Variants in ILDR2 observed in about 807,000 individuals in gnomAD.
ILDR2 encodes immunoglobulin like domain containing receptor 2.
ILDR2 carries 25 observed loss-of-function variants against 66.8 expected under a neutral mutation model. The observed-to-expected ratio is 0.37, with a 90% CI of 0.27 to 0.52. The LOEUF (loss-of-function observed/expected upper bound fraction) is 0.52. Ranked by LOEUF, ILDR2 falls within the 20% of genes least tolerant of loss-of-function variation. The probability of loss-of-function intolerance (pLI) is 0.88; values close to 1 mark genes in which losing one functional copy is unlikely to be tolerated. For missense variants in ILDR2, 827 were observed against 876.8 expected, an observed-to-expected ratio of 0.94 and a Z score of 0.72; for synonymous variants, 367 against 357.2, an observed-to-expected ratio of 1.03 and a Z score of -0.31.
At chr1:166,957,209 G>A (rs1662330473) in intron 2 of ILDR2, among the ~76,000 whole-genome samples, 1 of 152,176 alleles carries the variant, frequency 6.6e-6, no homozygotes, top group African/African-American at 2.4e-5. Flanking sequence ...AAAATCACAG[G>A]AGTTCTTCAA....
rs1261816414 is a variant in ILDR2, at chr1:166,921,725, G to A, written c.1212-346C>T. Among the ~76,000 whole-genome samples, 1 of 152,224 alleles carries A rather than the reference G, an allele frequency of 6.6e-6. No homozygotes were observed. Among genetic ancestry groups the A allele is most frequent in the Non-Finnish European group, 1.5e-5 (1 of 68,042 alleles). On this transcript the variant is annotated intron_variant, in intron 8 of 9. Transcript: ENST00000271417. The surrounding 1 kb of genome is among the most constrained non-coding windows in gnomAD (Gnocchi z 5.3). ...ACACGTCTCCACCCTCAAAGCCAGC[G>A]CAGGTGTCAGTACACACAGTTATGG...
At chr1:166,961,053 C>T (rs1662582682) in intron 1 of ILDR2, among the ~76,000 whole-genome samples, 1 of 152,200 alleles carries the variant, frequency 6.6e-6, no homozygotes, top group Non-Finnish European at 1.5e-5. Context: ...TTCTGCTCCA[C>T]TGCTATTCTG....
Position 166,910,941 on chromosome 1 carries a change from T to C in ILDR2, c.*8414A>G, listed in dbSNP as rs1659459610. 6.6e-6 allele frequency: 1 copy of C among 152,216 alleles called. No homozygotes were observed. Among genetic ancestry groups the C allele is most frequent in the African/African-American group, 2.4e-5 (1 of 41,452 alleles). The allele number at this position is 152,216 out of a possible 1,614,324, so 9.4% of individuals were successfully genotyped here. A position where few individuals can be genotyped will look rare whatever the true frequency, so the allele number is the denominator to read the frequency against. ...CTTGTCTTTTTAAATTTTTACCTTT[T>C]TGTGGAGGATGGGATCTCACTATAC... On this transcript the variant is annotated 3_prime_UTR_variant, in exon 10 of 10. Transcript: ENST00000271417.
chr1:166,970,349 G>T (rs1413519038), intron 1 of ILDR2, among the ~76,000 whole-genome samples: 4 of 151,920 alleles, frequency 2.6e-5, no homozygotes, highest in Non-Finnish European at 4.4e-5. Context: ...TAAATAACTG[G>T]GTCTCCCTTG....
intron 3 of ILDR2, among the ~76,000 whole-genome samples, chr1:166,952,274 T>A (rs1013781468): frequency 1.3e-5 from 2 of 152,184 alleles, no homozygotes; most frequent in Non-Finnish European, 2.9e-5. Flanking sequence ...TAATCTTGGA[T>A]GGCAGATTTC....
chr1:166,950,889 G>C (rs1234582231), intron 3 of ILDR2, among the ~76,000 whole-genome samples: 1 of 152,094 alleles, frequency 6.6e-6, no homozygotes, highest in Non-Finnish European at 1.5e-5. Flanking sequence ...TACATTCATG[G>C]GGAAGAATCA....
In ILDR2 at chr1:166,920,840, T is replaced by C. The variant is rs1659879165; in HGVS notation, c.1751A>G (p.Glu584Gly). 11 of 1,514,204 alleles carry C rather than the reference T, an allele frequency of 7.3e-6. No homozygotes were observed. Among genetic ancestry groups the C allele is most frequent in the Non-Finnish European group, 9.7e-6 (11 of 1,135,122 alleles). The allele number at this position is 1,514,204 out of a possible 1,614,324, so 93.8% of individuals were successfully genotyped here. A position where few individuals can be genotyped will look rare whatever the true frequency, so the allele number is the denominator to read the frequency against. Residue 584 changes from glutamate to glycine, a missense_variant, in exon 9 of 10, where the codon GAG becomes GGG. By Grantham distance (98) the Glu-to-Gly change is moderately conservative. Transcript: ENST00000271417. ...YKAGSSQDDQ[E>G]DASDDALPPY... ...CGGCAGCGCGTCGTCGGACGCGTCCTCCTGGTCGTCCTGCGACGAGCCGGC... is the reference window on the plus strand; with the variant it reads ...CGGCAGCGCGTCGTCGGACGCGTCCCCCTGGTCGTCCTGCGACGAGCCGGC...
At chr1:166,967,163 C>T (rs75598697) in intron 1 of ILDR2, among the ~76,000 whole-genome samples, 3,071 of 152,276 alleles carry the variant, frequency 0.02, 50 homozygotes, top group Non-Finnish European at 0.027. Flanking sequence ...ATGTGTGTAA[C>T]GTCTGGGCCA....
chr1:166,917,358 T>C lies in ILDR2; in HGVS notation c.*1997A>G, dbSNP rs1189813864. Reference sequence around the variant, plus strand: ...GCAAACATAGGACTTTTTTTGGAAATGTCATGAAGTACAAATGGATACTAG... The same window carrying C: ...GCAAACATAGGACTTTTTTTGGAAACGTCATGAAGTACAAATGGATACTAG... On this transcript the variant is annotated 3_prime_UTR_variant, in exon 10 of 10. Transcript: ENST00000271417. 6.6e-6 allele frequency: 1 copy of C among 152,174 alleles called. No individual in the cohort carries two copies. The highest frequency in any genetic ancestry group is 1.9e-4 in the East Asian group (1 of 5,200). 9.4% of individuals were successfully genotyped at this position (152,174 alleles called of 1,614,324 possible). A position where few individuals can be genotyped will look rare whatever the true frequency, so the allele number is the denominator to read the frequency against.
chr1:166,943,809 A>G, intron 3 of ILDR2: 1 of 985,062 alleles, frequency 1.0e-6, no homozygotes, highest in Non-Finnish European at 1.2e-6. Flanking sequence ...TCCAGGATTC[A>G]GTTTAAGAGT....
chr1:166,933,184 C>T (rs754763878), intron 6 of ILDR2, among the ~76,000 whole-genome samples: 1 of 152,228 alleles, frequency 6.6e-6, no homozygotes, highest in Non-Finnish European at 1.5e-5. Flanking sequence ...AGAGGTGCAT[C>T]TTGAGTAGTT....
At chr1:166,974,143 G>A (rs959234572) in intron 1 of ILDR2, among the ~76,000 whole-genome samples, 6 of 152,082 alleles carry the variant, frequency 3.9e-5, no homozygotes, top group Non-Finnish European at 5.9e-5. Context: ...TTCTCATGTG[G>A]TACTATTGTC....
chr1:166,935,437 G>A lies in ILDR2; in HGVS notation c.744C>T (p.Pro248=), dbSNP rs754974793. The change falls in exon 6 of 10, where the codon CCC becomes CCT. Residue 248 remains proline, a synonymous_variant. Coordinates refer to ENST00000271417, the MANE Select transcript of ILDR2 (RefSeq NM_199351.3). ...AGKAAKAGYP[P]SVSGVPGPYS... The stretch of plus-strand genomic sequence containing the variant: ...AAGGGCCGGGGACACCGGAGACAGA[G>A]GGAGGGTACCCGGCCTTTGCTGCTT... The A allele has an allele frequency of 1.9e-6, 3 of 1,611,748 alleles. No homozygotes were observed. The highest frequency in any genetic ancestry group is 1.7e-5 in the Admixed American group (1 of 59,738).
chr1:166,917,390 G>A lies in ILDR2; in HGVS notation c.*1965C>T, dbSNP rs1659685602. 1 of 152,206 alleles carries A rather than the reference G, an allele frequency of 6.6e-6. No individual in the cohort carries two copies. Among genetic ancestry groups the A allele is most frequent in the Non-Finnish European group, 1.5e-5 (1 of 68,046 alleles). 9.4% of individuals were successfully genotyped at this position (152,206 alleles called of 1,614,324 possible). A position where few individuals can be genotyped will look rare whatever the true frequency, so the allele number is the denominator to read the frequency against. ...AAGTACAAATGGATACTAGAGGAAT[G>A]GTACTTTGAGAATAGGGTCTAGCCC... On this transcript the variant is annotated 3_prime_UTR_variant, in exon 10 of 10. Coordinates refer to ENST00000271417, the MANE Select transcript of ILDR2 (RefSeq NM_199351.3).
rs369183145 is a variant in ILDR2 at position 166,958,112 on chromosome 1, G to A, written c.47-11C>T. The A allele has an allele frequency of 1.8e-4, 291 of 1,599,798 alleles. No individual in the cohort carries two copies. The highest frequency in any genetic ancestry group is 2.4e-4 in the Non-Finnish European group (286 of 1,169,120). On this transcript the variant is annotated splice_polypyrimidine_tract_variant and intron_variant, in intron 1 of 9. Transcript: ENST00000271417. ...GGCCTTCGACCATGGCTGCAAAACA[G>A]AATAAACATGTCCGAACAGTGTCCA...
intron 6 of ILDR2, chr1:166,933,533 T>C (rs1319083051): frequency 5.1e-6 from 5 of 982,536 alleles, no homozygotes; most frequent in African/African-American, 1.7e-5. Flanking sequence ...CTAGTTACAA[T>C]TGGTTAGTAT....
chr1:166,909,780 T>TAAA lies in ILDR2; in HGVS notation c.*9574_*9575insTTT, dbSNP rs1557921372. On this transcript the variant is annotated 3_prime_UTR_variant, in exon 10 of 10. Transcript: ENST00000271417. ...ATATAAATATATATAAATATATATA[T>TAAA]TTATATATATATATATATATATATA... 5.1e-5 allele frequency: 2 copies of TAAA among 39,098 alleles called. No individual in the cohort carries two copies. Among genetic ancestry groups the TAAA allele is most frequent in the African/African-American group, 2.7e-4 (2 of 7,290 alleles). The allele number at this position is 39,098 out of a possible 1,614,324, so 2.4% of individuals were successfully genotyped here.
At chr1:166,948,823 C>T (rs1053723316) in intron 3 of ILDR2, among the ~76,000 whole-genome samples, 10 of 152,272 alleles carry the variant, frequency 6.6e-5, no homozygotes, top group African/African-American at 1.2e-4. Flanking sequence ...AGAGATGAAA[C>T]GCTGGCGATG....
intron 6 of ILDR2, among the ~76,000 whole-genome samples, chr1:166,935,036 C>G (rs1660862191): frequency 6.6e-6 from 1 of 152,144 alleles, no homozygotes; most frequent in Non-Finnish European, 1.5e-5. Context: ...GAATAATCAA[C>G]ATTCAAGGGA....
Sources: allele counts gnomAD v4.1 joint callset (sites outside exome capture counted in the v4.1 genomes callset), GRCh38; gene constraint gnomAD v4.1.1; non-coding constraint Gnocchi (gnomAD v3.1); transcripts MANE v1.5; gene names NCBI Gene and HGNC (gene_info 2026-07-23, HGNC 2026-07-21).